SNX14: variants seen among roughly 807,000 people sequenced by gnomAD.
SNX14 encodes sorting nexin 14, also known as sorting nexin-14.
A neutral mutation model predicts 133.8 loss-of-function variants in SNX14; 93 were observed. That is an observed-to-expected ratio of 0.70 (90% CI 0.59 to 0.83). The LOEUF (loss-of-function observed/expected upper bound fraction) is 0.83, where lower values mean the gene tolerates loss of function less well. Among genes scored for constraint, SNX14 ranks in the 40% least tolerant of loss-of-function variants. The pLI is 0.00. For missense variants in SNX14, 945 were observed against 1,094.9 expected, an observed-to-expected ratio of 0.86 and a Z score of 1.93; for synonymous variants, 368 against 365.6, an observed-to-expected ratio of 1.01 and a Z score of -0.07.
At chr6:85,512,530 T>C (rs1348768911) in intron 26 of SNX14, among the ~76,000 whole-genome samples, 1 of 150,162 alleles carries the variant, frequency 6.7e-6, no homozygotes, top group East Asian at 2.0e-4. Flanking sequence ...GCTGAGACAG[T>C]AGAATTGCTT....
At chr6:85,582,294 C>T (rs1441194490) in intron 1 of SNX14, among the ~76,000 whole-genome samples, 1 of 152,140 alleles carries the variant, frequency 6.6e-6, no homozygotes, top group Non-Finnish European at 1.5e-5. Flanking sequence ...GAAATAAGGA[C>T]TTTCCCAGGC....
At chr6:85,541,235 C>T (rs1272705493) in intron 15 of SNX14, among the ~76,000 whole-genome samples, 3 of 152,086 alleles carry the variant, frequency 2.0e-5, no homozygotes, top group African/African-American at 4.8e-5. Flanking sequence ...TCAAGTGATC[C>T]CCACGTCTCG....
rs1779802499 is a variant in SNX14, at chr6:85,530,269, T to G, written c.1817A>C (p.His606Pro). The change falls in exon 19 of 29, where the codon CAC becomes CCC. Residue 606 changes from histidine to proline, a missense_variant. Around this residue, in one of 3 missense-constraint regions of SNX14, gnomAD observed 412 missense variants for 516.6 expected, o/e 0.80. Transcript: ENST00000314673. ...VERNDRRAVG[H>P]EPEHWSVYRR... ...ATAGACAGACCAATGTTCAGGCTCG[T>G]GTCCAACTGTAAATTGAGTACACAC... The G allele has an allele frequency of 1.3e-6, 2 of 1,593,786 alleles. No homozygotes were observed. The highest frequency in any genetic ancestry group is 1.7e-6 in the Non-Finnish European group (2 of 1,169,032).
At chr6:85,526,713 T>C (rs1159129550) in intron 20 of SNX14, among the ~76,000 whole-genome samples, 1 of 152,142 alleles carries the variant, frequency 6.6e-6, no homozygotes, top group Non-Finnish European at 1.5e-5. Context: ...GAAAACTAGA[T>C]GGGGAAATGT....
intron 1 of SNX14, among the ~76,000 whole-genome samples, chr6:85,580,830 A>G (rs1798829016): frequency 6.6e-6 from 1 of 152,170 alleles, no homozygotes. Context: ...GCTCAGCCAC[A>G]GTAGAATAAA....
At chr6:85,568,372 G>A (rs1341123001) in intron 4 of SNX14, 2 of 152,052 alleles carry the variant, frequency 1.3e-5, no homozygotes, top group African/African-American at 4.8e-5. Flanking sequence ...TCTGAAGGGA[G>A]TATAGTGGCT....
intron 7 of SNX14, among the ~76,000 whole-genome samples, chr6:85,552,790 A>G (rs1333191937): frequency 2.0e-5 from 3 of 152,188 alleles, no homozygotes; most frequent in African/African-American, 7.2e-5. Flanking sequence ...TCTTTGTTCT[A>G]AATTTCTTCC....
chr6:85,548,988 AGAAAG>A (rs1562301417), intron 8 of SNX14, among the ~76,000 whole-genome samples: 1 of 146,230 alleles, frequency 6.8e-6, no homozygotes, highest in East Asian at 2.0e-4. Flanking sequence ...AAAAAAAAAA[AGAAAG>A]AAAGAAAATA....
intron 18 of SNX14, 36 bp downstream of exon 18, chr6:85,533,563 G>A: frequency 6.3e-7 from 1 of 1,587,050 alleles, no homozygotes; most frequent in African/African-American, 1.3e-5. Context: ...TCATTCATGG[G>A]CATCTTTTAA....
chr6:85,526,738 A>ATC (rs779041659), intron 20 of SNX14, among the ~76,000 whole-genome samples: 35 of 152,202 alleles, frequency 2.3e-4, no homozygotes, highest in Non-Finnish European at 4.0e-4. Flanking sequence ...TAACTTGAAA[A>ATC]ATCTGTTGTC....
intron 4 of SNX14, chr6:85,568,583 G>A (rs1331523969): frequency 6.6e-6 from 1 of 152,200 alleles, no homozygotes; most frequent in Non-Finnish European, 1.5e-5. Flanking sequence ...GGATTTGGGT[G>A]TCGCAGTATG....
Position 85,578,794 on chromosome 6 carries a change from A to C in SNX14, c.141-4416T>G, listed in dbSNP as rs147555204. The stretch of plus-strand genomic sequence containing the variant: ...GAAGCAGGGACAGTGTGACTGACTA[A>C]ATGAAAGAAGTTGACACTGGTGAGT... On this transcript the variant is annotated intron_variant, in intron 1 of 28. Coordinates refer to ENST00000314673, the MANE Select transcript of SNX14 (RefSeq NM_153816.6). Among the ~76,000 whole-genome samples the C allele has an allele frequency of 1.3e-3, 200 of 152,308 alleles. 1 individual carries two copies. Among genetic ancestry groups the C allele is most frequent in the Non-Finnish European group, 2.3e-3 (158 of 68,026 alleles).
intron 26 of SNX14, among the ~76,000 whole-genome samples, chr6:85,508,833 G>A (rs1351429420): frequency 6.6e-6 from 1 of 152,050 alleles, no homozygotes; most frequent in Non-Finnish European, 1.5e-5. Context: ...AGAAAAAAAA[G>A]AAGTTATTCT....
chr6:85,568,924 C>T (rs1395300728), intron 4 of SNX14, among the ~76,000 whole-genome samples: 2 of 151,994 alleles, frequency 1.3e-5, no homozygotes, highest in Non-Finnish European at 2.9e-5. Flanking sequence ...AGCCAATCAC[C>T]AAGTCCTACT....
At chr6:85,557,653 A>C (rs1790194771) in intron 7 of SNX14, among the ~76,000 whole-genome samples, 1 of 152,248 alleles carries the variant, frequency 6.6e-6, no homozygotes, top group Non-Finnish European at 1.5e-5. Context: ...AGCAATATAA[A>C]GGATGGGCTA....
rs1464018564 is a variant in SNX14 at position 85,532,746 on chromosome 6, G to T, written c.1810+853C>A. Among the ~76,000 whole-genome samples, 51 of 152,054 alleles carry T rather than the reference G, an allele frequency of 3.4e-4. 1 individual carries two copies. The highest frequency in any genetic ancestry group is 3.3e-3 in the Admixed American group (51 of 15,268). ...TTTCTTTTTATCAAGTTACAAGTAG[G>T]ACTTTAAAGTGGTGACTGTTTATCC... is the stretch of plus-strand genomic sequence containing the variant. On this transcript the variant is annotated intron_variant, in intron 18 of 28. Coordinates refer to ENST00000314673, the MANE Select transcript of SNX14 (RefSeq NM_153816.6).
chr6:85,567,472 C>T, intron 5 of SNX14, 62 bp downstream of exon 5: 2 of 1,168,170 alleles, frequency 1.7e-6, no homozygotes, highest in Non-Finnish European at 2.4e-6. Flanking sequence ...ATGTCATTAG[C>T]ATGCTTAACT....
At chr6:85,542,847 A>G (rs1341922631) in intron 14 of SNX14, among the ~76,000 whole-genome samples, 1 of 151,872 alleles carries the variant, frequency 6.6e-6, no homozygotes, top group East Asian at 1.9e-4. Flanking sequence ...GCTTACTGCA[A>G]CCTTGGCCTT....
At chr6:85,588,855 A>G (rs1270996411) in intron 1 of SNX14, 1 of 454,442 alleles carries the variant, frequency 2.2e-6, no homozygotes, top group East Asian at 6.9e-5. Flanking sequence ...AAGAGAAAAT[A>G]TATTTACTAT....
Sources: allele counts gnomAD v4.1 joint callset (sites outside exome capture counted in the v4.1 genomes callset), GRCh38; gene constraint gnomAD v4.1.1; regional missense constraint gnomAD v4.1.1; transcripts MANE v1.5; gene names NCBI Gene and HGNC (gene_info 2026-07-23, HGNC 2026-07-21).